The following NAALADL2 variants were observed in gnomAD, a reference collection of about 807,000 sequenced individuals.
NAALADL2 encodes the protein inactive N-acetylated-alpha-linked acidic dipeptidase-like protein 2.
In NAALADL2, 76 loss-of-function variants were observed where a neutral mutation model predicts 87.2. That is an observed-to-expected ratio of 0.87 (90% CI 0.72 to 1.05). The LOEUF (loss-of-function observed/expected upper bound fraction) is 1.05, where lower values mean the gene tolerates loss of function less well. NAALADL2 is among the 50% of genes least tolerant of loss of function. The pLI, the probability that NAALADL2 is intolerant of heterozygous loss-of-function variation, is 0.00. For missense variants in NAALADL2, 1,089 were observed against 945.8 expected, an observed-to-expected ratio of 1.15 and a Z score of -1.99; for synonymous variants, 354 against 331.0, an observed-to-expected ratio of 1.07 and a Z score of -0.75.
At chr3:175,504,510 G>A (rs1330784025) in intron 9 of NAALADL2, among the ~76,000 whole-genome samples, 1 of 151,960 alleles carries the variant, frequency 6.6e-6, no homozygotes, top group African/African-American at 2.4e-5. Context: ...TGATAGGATT[G>A]TGGCTTTACG....
chr3:175,490,900 C>T (rs141926540), intron 9 of NAALADL2, among the ~76,000 whole-genome samples: 6 of 152,190 alleles, frequency 3.9e-5, no homozygotes, highest in African/African-American at 1.4e-4. Context: ...GGAATTCAAA[C>T]CAAGACTATG....
At chr3:175,408,488 C>G (rs1280581367) in intron 5 of NAALADL2, among the ~76,000 whole-genome samples, 1 of 151,958 alleles carries the variant, frequency 6.6e-6, no homozygotes, top group East Asian at 1.9e-4. Flanking sequence ...GGATAGCATT[C>G]TTACTGCTTT....
At chr3:175,706,194 T>G (rs1236520356) in intron 11 of NAALADL2, among the ~76,000 whole-genome samples, 1 of 152,108 alleles carries the variant, frequency 6.6e-6, no homozygotes, top group Admixed American at 6.6e-5. Context: ...CCCATTCGAA[T>G]CATATCTGTC....
chr3:175,429,982 G>A (rs1410912516), intron 5 of NAALADL2, among the ~76,000 whole-genome samples: 2 of 151,832 alleles, frequency 1.3e-5, no homozygotes, highest in Non-Finnish European at 2.9e-5. Context: ...CCTCTTGGTA[G>A]TACAGGGAAA....
chr3:175,020,984 A>G (rs1306764798), intron 1 of NAALADL2, among the ~76,000 whole-genome samples: 1 of 152,050 alleles, frequency 6.6e-6, no homozygotes, highest in African/African-American at 2.4e-5. Flanking sequence ...AGAGACTGTC[A>G]TTTTCAGAAT....
chr3:174,615,129 A>T (rs1353687077), intron 2 of NAALADL2, among the ~76,000 whole-genome samples: 1 of 152,188 alleles, frequency 6.6e-6, no homozygotes, highest in African/African-American at 2.4e-5. Context: ...TAAGAAGGAA[A>T]GTTTTGATGA....
intron 1 of NAALADL2, among the ~76,000 whole-genome samples, chr3:174,522,926 T>G: frequency 1.0e-5 from 1 of 98,006 alleles, no homozygotes; most frequent in Non-Finnish European, 1.9e-5. Flanking sequence ...AGAGCGAGAC[T>G]CTGTCTCAAA....
intron 2 of NAALADL2, among the ~76,000 whole-genome samples, chr3:174,723,482 G>A (rs1731883431): frequency 1.3e-5 from 2 of 152,086 alleles, no homozygotes; most frequent in Non-Finnish European, 2.9e-5. Context: ...AGGGCTGGGC[G>A]TGGTGGCTCA....
intron 3 of NAALADL2, among the ~76,000 whole-genome samples, chr3:174,740,093 T>A (rs959773885): frequency 6.6e-6 from 1 of 151,990 alleles, no homozygotes. Flanking sequence ...AAGAAATACA[T>A]TCATATGCTG....
chr3:174,789,119 GT>G (rs1198117133), intron 3 of NAALADL2, among the ~76,000 whole-genome samples: 1 of 152,226 alleles, frequency 6.6e-6, no homozygotes, highest in Non-Finnish European at 1.5e-5. Context: ...AGAGCAAAAT[GT>G]TTTTTCATTA....
At chr3:175,226,554 A>G (rs1323296668) in intron 2 of NAALADL2, among the ~76,000 whole-genome samples, 1 of 152,132 alleles carries the variant, frequency 6.6e-6, no homozygotes, top group Non-Finnish European at 1.5e-5. Flanking sequence ...TATTTAATCT[A>G]GGACGTTCAA....
intron 3 of NAALADL2, among the ~76,000 whole-genome samples, chr3:174,842,070 A>G (rs1266879512): frequency 1.6e-5 from 2 of 128,982 alleles, no homozygotes; most frequent in Non-Finnish European, 3.2e-5. Flanking sequence ...TTTTTTTTTG[A>G]GACAGAGTTT....
chr3:174,826,767 T>A (rs1722048230), intron 3 of NAALADL2, among the ~76,000 whole-genome samples: 1 of 152,186 alleles, frequency 6.6e-6, no homozygotes, highest in South Asian at 2.1e-4. Flanking sequence ...AATAAATCAT[T>A]TTGTTTTGCA....
chr3:175,259,007 A>T (rs1482268877), intron 4 of NAALADL2, among the ~76,000 whole-genome samples: 1 of 152,146 alleles, frequency 6.6e-6, no homozygotes, highest in Admixed American at 6.6e-5. Flanking sequence ...GTGACTCATT[A>T]GGCAGTGACC....
intron 1 of NAALADL2, among the ~76,000 whole-genome samples, chr3:174,884,702 A>G (rs1729844199): frequency 6.6e-6 from 1 of 152,102 alleles, no homozygotes; most frequent in Admixed American, 6.5e-5. Context: ...CCAACTCCGT[A>G]TTTCTTCAAC....
At chr3:175,520,588 G>A (rs111837041) in intron 9 of NAALADL2, among the ~76,000 whole-genome samples, 12,876 of 152,170 alleles carry the variant, frequency 0.085, 717 homozygotes, top group South Asian at 0.13. Context: ...GTGAGCCACC[G>A]CGCCCGGCCC....
chr3:174,520,996 T>C (rs1218466081), intron 1 of NAALADL2, among the ~76,000 whole-genome samples: 3 of 151,880 alleles, frequency 2.0e-5, no homozygotes, highest in African/African-American at 7.3e-5. Flanking sequence ...ATGGCTACTA[T>C]TAAAAAATAA....
chr3:174,742,750 T>C (rs1288150610), intron 3 of NAALADL2, among the ~76,000 whole-genome samples: 1 of 151,714 alleles, frequency 6.6e-6, no homozygotes, highest in African/African-American at 2.4e-5. Context: ...TTTTAATGCA[T>C]TTAAGTATTT....
chr3:174,853,727 T>G (rs1315602506), intron 3 of NAALADL2, among the ~76,000 whole-genome samples: 1 of 152,036 alleles, frequency 6.6e-6, no homozygotes, highest in Admixed American at 6.6e-5. Flanking sequence ...AAGATCTGAA[T>G]AGACATCTTG....
Sources: gnomAD v4.1 joint callset for allele counts (sites outside exome capture counted in the v4.1 genomes callset) on GRCh38, gnomAD v4.1.1 for gene constraint, MANE v1.5 for transcripts, NCBI Gene and HGNC (gene_info 2026-07-23, HGNC 2026-07-21) for gene names.